RNASEH2B: variants seen among roughly 807,000 people sequenced by gnomAD.
RNASEH2B encodes the protein Aicardi-Goutieres syndrome 2 protein.
In RNASEH2B, 36 loss-of-function variants were observed where a neutral mutation model predicts 45.0. The observed-to-expected ratio is 0.80, with a 90% CI of 0.61 to 1.06. The LOEUF (loss-of-function observed/expected upper bound fraction) is 1.06. Among genes scored for constraint, RNASEH2B ranks in the 50% least tolerant of loss-of-function variants. The pLI is 0.00. For missense variants in RNASEH2B, 361 were observed against 360.3 expected (o/e 1.00, Z -0.02); for synonymous variants, 119 against 125.7 (o/e 0.95, Z 0.35).
chr13:50,925,320 T>G (rs1951579272), intron 1 of RNASEH2B, among the ~76,000 whole-genome samples: 1 of 152,200 alleles, frequency 6.6e-6, no homozygotes, highest in Non-Finnish European at 1.5e-5. Flanking sequence ...ATACCCCTCT[T>G]TCAGTAATTG....
chr13:50,927,558 T>C, intron 2 of RNASEH2B, 80 bp downstream of exon 2: 1 of 913,096 alleles, frequency 1.1e-6, no homozygotes, highest in Non-Finnish European at 1.8e-6. Context: ...TTTGTGTCCT[T>C]GCTCTTTCTG....
intron 5 of RNASEH2B, 158 bp from the exon 6 acceptor site, chr13:50,943,163 A>C: frequency 1.6e-6 from 1 of 608,566 alleles, no homozygotes; most frequent in Non-Finnish European, 2.9e-6. Context: ...ACTAACATTT[A>C]AAAAAACATT....
At chr13:50,960,319 T>C, downstream of RNASEH2B, 1 of 348,328 alleles carries the variant, frequency 2.9e-6, no homozygotes, top group Non-Finnish European at 5.1e-6. Context: ...CAATTCTTTC[T>C]AATAGTTACA....
chr13:50,910,355 C>T, intron 1 of RNASEH2B: 1 of 394,410 alleles, frequency 2.5e-6, no homozygotes, highest in Non-Finnish European at 4.5e-6. Flanking sequence ...GAGCGTGTTT[C>T]CCGGGCCCTG....
At chr13:50,959,325 A>G (rs1952086433), downstream of RNASEH2B, 1 of 152,128 alleles carries the variant, frequency 6.6e-6, no homozygotes, top group African/African-American at 2.4e-5. Context: ...TTTAGTTTTT[A>G]TGTAGACATA....
At chr13:50,961,576 C>T (rs1219334792), downstream of RNASEH2B, among the ~76,000 whole-genome samples, 2 of 152,102 alleles carry the variant, frequency 1.3e-5, no homozygotes, top group Non-Finnish European at 2.9e-5. Flanking sequence ...AGCCTCTTGT[C>T]CTGTGCAAGC....
At chr13:50,942,286 G>GT (rs1382646153) in intron 5 of RNASEH2B, 1 of 152,208 alleles carries the variant, frequency 6.6e-6, no homozygotes, top group Non-Finnish European at 1.5e-5. Flanking sequence ...TTGTGGGGAA[G>GT]TTAAGTGTAA....
At chr13:50,947,636 T>C (rs1336796272) in intron 7 of RNASEH2B, among the ~76,000 whole-genome samples, 4 of 152,138 alleles carry the variant, frequency 2.6e-5, no homozygotes, top group African/African-American at 9.7e-5. Flanking sequence ...CTATTTCATA[T>C]TGTTGTAGAT....
chr13:50,914,688 A>G (rs1879632930), intron 1 of RNASEH2B, among the ~76,000 whole-genome samples: 1 of 152,196 alleles, frequency 6.6e-6, no homozygotes. Flanking sequence ...AGTTGGTGTA[A>G]TCAGGCTGTT....
At chr13:50,922,507 T>C in intron 1 of RNASEH2B, among the ~76,000 whole-genome samples, 1 of 152,182 alleles carries the variant, frequency 6.6e-6, no homozygotes, top group Non-Finnish European at 1.5e-5. Context: ...AAAGATTGGA[T>C]CACTTATTGG....
At chr13:50,915,376 T>G (rs1879683631) in intron 1 of RNASEH2B, 8 of 398,456 alleles carry the variant, frequency 2.0e-5, no homozygotes, top group Non-Finnish European at 3.5e-5. Context: ...GCTCTTCACT[T>G]TATCTACCTG....
At chr13:50,931,814 C>T (rs1951684740) in intron 4 of RNASEH2B, among the ~76,000 whole-genome samples, 1 of 152,178 alleles carries the variant, frequency 6.6e-6, no homozygotes, top group South Asian at 2.1e-4. Context: ...TGCTCTGTTA[C>T]ATTAAAATGC....
intron 9 of RNASEH2B, among the ~76,000 whole-genome samples, chr13:50,966,711 G>C (rs1048828488): frequency 6.6e-6 from 1 of 152,000 alleles, no homozygotes; most frequent in African/African-American, 2.4e-5. Context: ...TTGTTTGTTC[G>C]AATCTGTTTC....
At chr13:50,944,263 A>G (rs1015634632) in intron 6 of RNASEH2B, among the ~76,000 whole-genome samples, 3 of 152,248 alleles carry the variant, frequency 2.0e-5, no homozygotes, top group Non-Finnish European at 4.4e-5. Flanking sequence ...TCGCTAAACC[A>G]TATAGAATAA....
At chr13:50,955,782 A>ATCT (rs1952039141) in intron 10 of RNASEH2B, 1 of 152,858 alleles carries the variant, frequency 6.5e-6, no homozygotes, top group African/African-American at 2.4e-5. Context: ...TTCAGTGACC[A>ATCT]GAGAGAGATA....
In RNASEH2B at chr13:50,934,868, A is replaced by G. The variant is rs1221359513; in HGVS notation, c.322-17A>G. 4.6e-6 allele frequency: 7 copies of G among 1,527,120 alleles called. No individual in the cohort carries two copies. Among genetic ancestry groups the G allele is most frequent in the Non-Finnish European group, 6.3e-6 (7 of 1,103,192 alleles). The allele number at this position is 1,527,120 out of a possible 1,614,324, so 94.6% of individuals were successfully genotyped here. A position where few individuals can be genotyped will look rare whatever the true frequency, so the allele number is the denominator to read the frequency against. ...TGTTGAATGAAATGCTTGCTTTCCA[A>G]CTAACTGTTTTTTCAGGGGAAGTTT... On this transcript the variant is annotated splice_polypyrimidine_tract_variant and intron_variant, in intron 4 of 10. Coordinates refer to ENST00000336617, the MANE Select transcript of RNASEH2B (RefSeq NM_024570.4).
At chr13:50,961,727 G>A (rs1376174176), downstream of RNASEH2B, among the ~76,000 whole-genome samples, 1 of 152,032 alleles carries the variant, frequency 6.6e-6, no homozygotes, top group Non-Finnish European at 1.5e-5. Flanking sequence ...ATGTGTGTGT[G>A]TGTACAACAT....
chr13:50,966,063 T>C (rs1277616450), intron 9 of RNASEH2B, among the ~76,000 whole-genome samples: 1 of 152,198 alleles, frequency 6.6e-6, no homozygotes, highest in Admixed American at 6.5e-5. Flanking sequence ...ATAACTGAGC[T>C]GAATAATAAT....
intron 1 of RNASEH2B, 47 bp from the exon 2 acceptor site, chr13:50,927,360 A>G: frequency 1.7e-6 from 2 of 1,179,002 alleles, no homozygotes; most frequent in Non-Finnish European, 2.5e-6. Context: ...GGTGAGCAAC[A>G]AAACAGCTGT....
Sources: allele counts gnomAD v4.1 joint callset (sites outside exome capture counted in the v4.1 genomes callset), GRCh38; gene constraint gnomAD v4.1.1; transcripts MANE v1.5; gene names NCBI Gene and HGNC (gene_info 2026-07-23, HGNC 2026-07-21).